Variants in PHLDB2 observed in about 807,000 individuals in gnomAD.
PHLDB2 encodes pleckstrin homology-like domain family B member 2.
A neutral mutation model predicts 123.6 loss-of-function variants in PHLDB2; 71 were observed. The observed-to-expected ratio is 0.57, with a 90% CI of 0.47 to 0.70. PHLDB2 has a LOEUF of 0.70. Ranked by LOEUF, PHLDB2 falls within the 30% of genes least tolerant of loss-of-function variation. PHLDB2 has a pLI of 0.00. For synonymous variants in PHLDB2, 547 were observed against 541.6 expected, an observed-to-expected ratio of 1.01 and a Z score of -0.14; for missense variants, 1,446 against 1,519.5, an observed-to-expected ratio of 0.95 and a Z score of 0.80.
At chr3:111,915,242 T>C (rs1017493985) in intron 3 of PHLDB2, 20 of 152,218 alleles carry the variant, frequency 1.3e-4, no homozygotes, top group African/African-American at 4.6e-4. Context: ...GTCATGGTAC[T>C]AAATTCTGGC....
At chr3:111,932,515 A>G (rs879350652) in intron 6 of PHLDB2, 118 bp downstream of exon 6, 2 of 1,049,456 alleles carry the variant, frequency 1.9e-6, no homozygotes, top group Admixed American at 3.0e-5. Context: ...AGTTCTAGTC[A>G]TTAGATACGT....
At chr3:111,786,251 C>T (rs1478715926) in intron 1 of PHLDB2, among the ~76,000 whole-genome samples, 1 of 152,126 alleles carries the variant, frequency 6.6e-6, no homozygotes, top group Non-Finnish European at 1.5e-5. Flanking sequence ...TATGCTGTAT[C>T]GTTTAAGGAT....
intron 1 of PHLDB2, among the ~76,000 whole-genome samples, chr3:111,757,700 GGT>G (rs1403308688): frequency 1.3e-5 from 2 of 152,052 alleles, no homozygotes; most frequent in Admixed American, 6.5e-5. Context: ...CCATCTTTGT[GGT>G]TTTATCTACT....
intron 16 of PHLDB2, among the ~76,000 whole-genome samples, chr3:111,973,240 G>GC (rs1273932240): frequency 9.1e-6 from 1 of 110,108 alleles, no homozygotes; most frequent in African/African-American, 3.0e-5. Context: ...TTGAAAACGG[G>GC]GGAAAAATCA....
chr3:111,902,983 C>G (rs970619399), intron 2 of PHLDB2, among the ~76,000 whole-genome samples: 7 of 152,104 alleles, frequency 4.6e-5, no homozygotes, highest in African/African-American at 7.2e-5. Context: ...GGAAAGCTAC[C>G]AAACCACAAT....
intron 1 of PHLDB2, among the ~76,000 whole-genome samples, chr3:111,758,050 G>A (rs2059927214): frequency 6.6e-6 from 1 of 152,168 alleles, no homozygotes; most frequent in African/African-American, 2.4e-5. Flanking sequence ...CAGGGGTCAG[G>A]GGCCAGGGAC....
chr3:111,783,832 A>G (rs551337000), intron 1 of PHLDB2, among the ~76,000 whole-genome samples: 1 of 152,272 alleles, frequency 6.6e-6, no homozygotes, highest in East Asian at 1.9e-4. Context: ...TTGAAACACT[A>G]CATCAGATGA....
At chr3:111,869,343 C>T (rs1400966280) in intron 1 of PHLDB2, among the ~76,000 whole-genome samples, 2 of 152,150 alleles carry the variant, frequency 1.3e-5, no homozygotes, top group Admixed American at 1.3e-4. Flanking sequence ...TCTCCACTTC[C>T]TTCTGGGCCC....
intron 6 of PHLDB2, 93 bp downstream of exon 6, chr3:111,932,490 G>C: frequency 6.5e-6 from 8 of 1,231,936 alleles, no homozygotes; most frequent in Non-Finnish European, 8.9e-6. Flanking sequence ...ACTTCATATA[G>C]CATAAGTTTG....
chr3:111,822,295 A>ATGTGTG (rs35687126), intron 1 of PHLDB2, among the ~76,000 whole-genome samples: 120 of 144,134 alleles, frequency 8.3e-4, no homozygotes, highest in Middle Eastern at 3.5e-3. Flanking sequence ...ATCTTTATGT[A>ATGTGTG]TGTGTGTGTG....
intron 2 of PHLDB2, among the ~76,000 whole-genome samples, chr3:111,907,233 C>T (rs1016875903): frequency 1.3e-5 from 2 of 152,158 alleles, no homozygotes; most frequent in African/African-American, 2.4e-5. Context: ...TTCGATAATT[C>T]ACTAGAAAGA....
chr3:111,938,511 A>G (rs896254116), intron 6 of PHLDB2, among the ~76,000 whole-genome samples: 3 of 152,166 alleles, frequency 2.0e-5, no homozygotes, highest in African/African-American at 7.2e-5. Flanking sequence ...AAGAATGTAT[A>G]TATTTAAAAT....
At chr3:111,955,143 T>TTATATATATATATATATA (rs1559921115) in intron 12 of PHLDB2, among the ~76,000 whole-genome samples, 1 of 9,254 alleles carries the variant, frequency 1.1e-4, no homozygotes, top group Non-Finnish European at 2.2e-4. Context: ...TATGTATATA[T>TTATATATATATATATATA]GATATATATA....
chr3:111,871,682 CT>C (rs2065349808), intron 1 of PHLDB2, among the ~76,000 whole-genome samples: 1 of 152,108 alleles, frequency 6.6e-6, no homozygotes, highest in Non-Finnish European at 1.5e-5. Context: ...CCAAAAAAAC[CT>C]TTGTTTCTTC....
chr3:111,772,663 A>G (rs901750911), intron 1 of PHLDB2, among the ~76,000 whole-genome samples: 2 of 152,154 alleles, frequency 1.3e-5, no homozygotes, highest in African/African-American at 4.8e-5. Flanking sequence ...TTGCATTGGC[A>G]TTTTTCTTGG....
chr3:111,850,317 G>C (rs573156868), intron 2 of PHLDB2, among the ~76,000 whole-genome samples: 1 of 152,214 alleles, frequency 6.6e-6, no homozygotes, highest in East Asian at 1.9e-4. Context: ...GGGGGGCAGG[G>C]CTAGGGATAA....
intron 1 of PHLDB2, among the ~76,000 whole-genome samples, chr3:111,817,874 G>A (rs2062167357): frequency 6.6e-6 from 1 of 152,126 alleles, no homozygotes; most frequent in Admixed American, 6.6e-5. Flanking sequence ...TATGTCTCTT[G>A]TGGGAGAAGA....
intron 10 of PHLDB2, chr3:111,950,013 ATT>A: frequency 6.9e-6 from 4 of 577,832 alleles, no homozygotes; most frequent in South Asian, 7.7e-5. Context: ...TACTTCTCTG[ATT>A]TTTTTTTTCC....
At chr3:111,744,797 A>C (rs2059656540) in intron 1 of PHLDB2, among the ~76,000 whole-genome samples, 1 of 152,222 alleles carries the variant, frequency 6.6e-6, no homozygotes, top group African/African-American at 2.4e-5. Context: ...CCTATATCTT[A>C]ACATCAAAGT....
Sources: allele counts gnomAD v4.1 joint callset (sites outside exome capture counted in the v4.1 genomes callset), GRCh38; gene constraint gnomAD v4.1.1; transcripts MANE v1.5; gene names NCBI Gene and HGNC (gene_info 2026-07-23, HGNC 2026-07-21).